FAM167A: variants seen among roughly 807,000 people sequenced by gnomAD.
FAM167A encodes family with sequence similarity 167 member A.
A neutral mutation model predicts 14.9 loss-of-function variants in FAM167A; 23 were observed. The ratio of observed to expected loss-of-function variants is 1.55; its 90% CI spans 1.11 to 2.19. The LOEUF is 2.19. Among genes scored for constraint, FAM167A ranks in the 30% most tolerant of loss-of-function variants. The pLI, the probability that FAM167A is intolerant of heterozygous loss-of-function variation, is 0.00. For synonymous variants in FAM167A, 174 were observed against 117.7 expected (o/e 1.48, Z -3.10); for missense variants, 401 against 281.5 (o/e 1.42, Z -3.04).
chr8:11,437,309 A>T (rs1806090755), intron 2 of FAM167A, among the ~76,000 whole-genome samples: 1 of 152,190 alleles, frequency 6.6e-6, no homozygotes, highest in Admixed American at 6.5e-5. Flanking sequence ...TGCTGTGGCT[A>T]CTGAATGATG....
At chr8:11,447,845 C>G (rs1806853020) in intron 1 of FAM167A, among the ~76,000 whole-genome samples, 1 of 152,240 alleles carries the variant, frequency 6.6e-6, no homozygotes, top group Non-Finnish European at 1.5e-5. Context: ...ACCGGAACGA[C>G]TACATAATTC....
chr8:11,428,179 C>A (rs926271658), intron 2 of FAM167A, among the ~76,000 whole-genome samples: 1 of 152,114 alleles, frequency 6.6e-6, no homozygotes, highest in Admixed American at 6.5e-5. Context: ...CCTTTGAAGT[C>A]GGGGAATTTG....
upstream of FAM167A, chr8:11,466,877 C>T (rs926236193): frequency 1.3e-5 from 2 of 152,186 alleles, no homozygotes; most frequent in African/African-American, 4.8e-5. Flanking sequence ...CGTTCTCGCC[C>T]CGGGTCCGAG....
intron 2 of FAM167A, among the ~76,000 whole-genome samples, chr8:11,439,103 G>T (rs184605665): frequency 2.0e-5 from 3 of 152,368 alleles, no homozygotes; most frequent in African/African-American, 4.8e-5. Flanking sequence ...ATGTGTGTCT[G>T]TGTCGTGGCT....
At chr8:11,443,399 C>A (rs1224923354) in intron 2 of FAM167A, among the ~76,000 whole-genome samples, 2 of 152,232 alleles carry the variant, frequency 1.3e-5, no homozygotes, top group East Asian at 3.9e-4. Flanking sequence ...CCTGGCCCCG[C>A]CCTGACTTCT....
At chr8:11,470,690 T>G (rs1360005185), upstream of FAM167A, among the ~76,000 whole-genome samples, 3 of 152,098 alleles carry the variant, frequency 2.0e-5, no homozygotes, top group Non-Finnish European at 4.4e-5. Context: ...GGATGAAATT[T>G]CTGTTGGGCT....
intron 2 of FAM167A, among the ~76,000 whole-genome samples, chr8:11,427,157 C>CT (rs762668293): frequency 3.3e-5 from 5 of 152,164 alleles, no homozygotes; most frequent in Non-Finnish European, 7.3e-5. Flanking sequence ...TTCCCTTTGG[C>CT]TTAGTGATTG....
intron 1 of FAM167A, among the ~76,000 whole-genome samples, chr8:11,475,420 G>A (rs1301127443): frequency 6.6e-6 from 1 of 152,088 alleles, no homozygotes; most frequent in Admixed American, 6.5e-5. Flanking sequence ...CCCACCCCCA[G>A]CTGGGCCTTC....
At chr8:11,435,140 C>T (rs1805919330) in intron 2 of FAM167A, 1 of 456,544 alleles carries the variant, frequency 2.2e-6, no homozygotes, top group African/African-American at 2.0e-5. Flanking sequence ...ACCTCTCCAG[C>T]CTCCTCTCCC....
chr8:11,434,783 C>T, intron 2 of FAM167A: 1 of 338,668 alleles, frequency 3.0e-6, no homozygotes, highest in Non-Finnish European at 5.9e-6. Context: ...GTGGCATGTG[C>T]CCTACACAGA....
upstream of FAM167A, chr8:11,467,378 C>A (rs2117164746): frequency 6.5e-6 from 1 of 152,676 alleles, no homozygotes; most frequent in South Asian, 2.1e-4. Context: ...CCCAGAGCTG[C>A]AAACCCTAAG....
intron 2 of FAM167A, among the ~76,000 whole-genome samples, chr8:11,432,534 G>A (rs756948496): frequency 1.3e-5 from 2 of 152,210 alleles, no homozygotes. Flanking sequence ...TCTCACACCA[G>A]TTAGGATGGT....
chr8:11,438,294 C>T (rs538315792), intron 2 of FAM167A: 9 of 401,684 alleles, frequency 2.2e-5, no homozygotes, highest in Middle Eastern at 6.2e-4. Flanking sequence ...GGCAGGACCT[C>T]CCGGTTGGGG....
chr8:11,452,893 G>A (rs534744406), intron 1 of FAM167A, among the ~76,000 whole-genome samples: 21 of 152,326 alleles, frequency 1.4e-4, no homozygotes, highest in Admixed American at 1.2e-3. Flanking sequence ...CGGGCCTCAC[G>A]TCCTTCTGAC....
intron 1 of FAM167A, among the ~76,000 whole-genome samples, chr8:11,446,015 CCAAAAAAA>C (rs748951199): frequency 1.0e-5 from 1 of 95,718 alleles, no homozygotes. Flanking sequence ...AACATCCCGG[CCAAAAAAA>C]AAAAAAAAAA....
intron 2 of FAM167A, among the ~76,000 whole-genome samples, chr8:11,425,870 G>A (rs907823756): frequency 6.6e-6 from 1 of 152,102 alleles, no homozygotes; most frequent in African/African-American, 2.4e-5. Context: ...ATTTTGAAAT[G>A]GCCCTGCAAA....
At chr8:11,468,967 C>T (rs750725668), upstream of FAM167A, among the ~76,000 whole-genome samples, 4 of 152,110 alleles carry the variant, frequency 2.6e-5, no homozygotes, top group African/African-American at 4.8e-5. Flanking sequence ...GGAGGAAGAG[C>T]AGTCTTGGTT....
intron 2 of FAM167A, chr8:11,435,109 C>T (rs927961726): frequency 3.7e-5 from 17 of 456,666 alleles, no homozygotes; most frequent in South Asian, 7.7e-5. Flanking sequence ...AAAGGTATCA[C>T]GGGACCCTCC....
At chr8:11,429,294 C>A (rs183783877) in intron 2 of FAM167A, among the ~76,000 whole-genome samples, 6 of 152,314 alleles carry the variant, frequency 3.9e-5, no homozygotes, top group African/African-American at 1.4e-4. Flanking sequence ...ATAAATTAAT[C>A]TTTTTAGAGA....
Sources: allele counts gnomAD v4.1 joint callset (sites outside exome capture counted in the v4.1 genomes callset), GRCh38; gene constraint gnomAD v4.1.1; transcripts MANE v1.5; gene names NCBI Gene and HGNC (gene_info 2026-07-23, HGNC 2026-07-21).